Variants in NARS2 observed in about 807,000 individuals in gnomAD.
The protein encoded by NARS2 is asparaginyl-tRNA synthetase 2, mitochondrial, also known as asparaginyl-tRNA synthetase.
In NARS2, 60 loss-of-function variants were observed where a neutral mutation model predicts 62.9. The ratio of observed to expected loss-of-function variants is 0.95; its 90% CI spans 0.77 to 1.18. NARS2 has a LOEUF of 1.18. NARS2 is among the 50% of genes most tolerant of loss of function. The pLI is 0.00. For missense variants in NARS2, 619 were observed against 576.4 expected (o/e 1.07, Z -0.76); for synonymous variants, 196 against 200.0 (o/e 0.98, Z 0.17).
intron 6 of NARS2, among the ~76,000 whole-genome samples, chr11:78,527,836 T>A (rs1861344779): frequency 6.6e-6 from 1 of 152,142 alleles, no homozygotes; most frequent in Admixed American, 6.5e-5. Context: ...GAGGCCAGGC[T>A]CAGTGGCTCC....
chr11:78,455,210 A>C (rs2135176316), intron 11 of NARS2, among the ~76,000 whole-genome samples: 1 of 152,186 alleles, frequency 6.6e-6, no homozygotes, highest in East Asian at 1.9e-4. Flanking sequence ...GTAACACTCC[A>C]ATCTCTCCAT....
At chr11:78,479,175 A>C (rs1859240986) in intron 7 of NARS2, among the ~76,000 whole-genome samples, 1 of 152,216 alleles carries the variant, frequency 6.6e-6, no homozygotes, top group African/African-American at 2.4e-5. Context: ...ATGAAAGTCA[A>C]CTTTAAAATT....
chr11:78,538,970 G>T (rs570607038), intron 5 of NARS2, among the ~76,000 whole-genome samples: 1 of 113,178 alleles, frequency 8.8e-6, no homozygotes, highest in Non-Finnish European at 1.7e-5. Flanking sequence ...ACTCCAGCCT[G>T]GGCGACAGAG....
intron 6 of NARS2, among the ~76,000 whole-genome samples, chr11:78,514,180 T>C (rs1860821379): frequency 6.6e-6 from 1 of 152,176 alleles, no homozygotes. Context: ...TGGAGTTCAG[T>C]GGCACGATCT....
intron 5 of NARS2, among the ~76,000 whole-genome samples, chr11:78,537,877 T>C (rs959391258): frequency 1.3e-5 from 2 of 152,208 alleles, no homozygotes; most frequent in Non-Finnish European, 2.9e-5. Flanking sequence ...ATTCAAAACA[T>C]TCCTTAAGTA....
intron 10 of NARS2, among the ~76,000 whole-genome samples, chr11:78,468,308 C>A (rs11237513): frequency 5.2e-4 from 30 of 57,914 alleles, no homozygotes; most frequent in African/African-American, 2.3e-3. Context: ...AGCACTAAAT[C>A]TGAAAAAAAA....
At chr11:78,448,026 A>C (rs570502124) in intron 11 of NARS2, among the ~76,000 whole-genome samples, 1 of 142,428 alleles carries the variant, frequency 7.0e-6, no homozygotes, top group South Asian at 2.3e-4. Context: ...ATATATTTTA[A>C]AATAACTAAG....
At chr11:78,456,479 C>T (rs1300835793) in intron 11 of NARS2, among the ~76,000 whole-genome samples, 1 of 152,178 alleles carries the variant, frequency 6.6e-6, no homozygotes, top group Non-Finnish European at 1.5e-5. Context: ...CCCTTCATCA[C>T]TATTTCTGTT....
chr11:78,443,800 G>T, intron 11 of NARS2, 42 bp from the exon 12 acceptor site: 2 of 1,405,968 alleles, frequency 1.4e-6, no homozygotes, highest in Non-Finnish European at 2.0e-6. Flanking sequence ...ATTTTCAGGT[G>T]ATTCCAACAG....
intron 6 of NARS2, among the ~76,000 whole-genome samples, chr11:78,509,745 T>C (rs1336053555): frequency 4.7e-5 from 7 of 150,002 alleles, no homozygotes; most frequent in African/African-American, 1.7e-4. Context: ...AAGAATCCCT[T>C]GAACTCAGGA....
rs533555030 is a variant in NARS2 at position 78,521,907 on chromosome 11, T to C, written c.689+6935A>G. Among the ~76,000 whole-genome samples the C allele has an allele frequency of 4.0e-5, 6 of 151,894 alleles. No homozygotes were observed. In the East Asian group the frequency reaches 7.7e-4, roughly 20 times the overall value. On this transcript the variant is annotated intron_variant, in intron 6 of 13. Coordinates refer to ENST00000281038, the MANE Select transcript of NARS2 (RefSeq NM_024678.6). ...TTTTCACTCACACTAACAAAGAGAA[T>C]TAAAATGATAAAGGTATTTCATAGT...
chr11:78,563,883 C>CAATATTATTATTATTATTATTATTATT (rs1453360896), intron 4 of NARS2, among the ~76,000 whole-genome samples: 1 of 93,138 alleles, frequency 1.1e-5, no homozygotes, highest in African/African-American at 5.1e-5. Flanking sequence ...TACACACACA[C>CAATATTATTATTATTATTATTATTATT]AGTATTATTA....
intron 3 of NARS2, 127 bp downstream of exon 3, chr11:78,568,505 C>T (rs1856813938): frequency 3.3e-6 from 4 of 1,198,382 alleles, no homozygotes; most frequent in Middle Eastern, 2.9e-4. Flanking sequence ...GGTCATATGG[C>T]TTGTTTCAAT....
chr11:78,565,370 T>C (rs7929656), intron 4 of NARS2, among the ~76,000 whole-genome samples: 107,872 of 151,982 alleles, frequency 0.71, 38,867 homozygotes, highest in Non-Finnish European at 0.79. Flanking sequence ...AAAGCAAACC[T>C]CATGAAACAA....
intron 5 of NARS2, among the ~76,000 whole-genome samples, chr11:78,532,523 T>G (rs891573550): frequency 6.6e-6 from 1 of 152,230 alleles, no homozygotes; most frequent in Admixed American, 6.5e-5. Flanking sequence ...AAATGAAAGC[T>G]GCTGAAACTT....
At chr11:78,547,279 G>C (rs1019569068) in intron 5 of NARS2, among the ~76,000 whole-genome samples, 6 of 151,776 alleles carry the variant, frequency 4.0e-5, no homozygotes, top group African/African-American at 1.5e-4. Flanking sequence ...GAAAAAAAAA[G>C]AACTCAGAAA....
chr11:78,497,545 T>C (rs1056495008), intron 6 of NARS2, among the ~76,000 whole-genome samples: 3 of 152,246 alleles, frequency 2.0e-5, no homozygotes, highest in African/African-American at 7.2e-5. Context: ...TAAAAGTTCA[T>C]TGACCTTAAG....
chr11:78,536,346 A>G (rs1438341359), intron 5 of NARS2, among the ~76,000 whole-genome samples: 1 of 152,220 alleles, frequency 6.6e-6, no homozygotes, highest in Non-Finnish European at 1.5e-5. Context: ...CAAGTCTTTC[A>G]GGAGGTATTC....
At chr11:78,529,795 G>C (rs1861415456) in intron 5 of NARS2, among the ~76,000 whole-genome samples, 1 of 151,996 alleles carries the variant, frequency 6.6e-6, no homozygotes, top group South Asian at 2.1e-4. Flanking sequence ...CAAAGTGCTG[G>C]GATTTATAGG....
Sources: allele counts gnomAD v4.1 joint callset (sites outside exome capture counted in the v4.1 genomes callset), GRCh38; gene constraint gnomAD v4.1.1; transcripts MANE v1.5; gene names NCBI Gene and HGNC (gene_info 2026-07-23, HGNC 2026-07-21).